The following PCDHGA2 variants were observed in gnomAD, a reference collection of about 807,000 sequenced individuals.
The protein encoded by PCDHGA2 is protocadherin gamma subfamily A, 2, also known as protocadherin gamma-A2.
Under a neutral mutation model 59.2 loss-of-function variants are expected in PCDHGA2, and 40 were observed. The observed-to-expected ratio is 0.68, with a 90% confidence interval of 0.52 to 0.88. The LOEUF (loss-of-function observed/expected upper bound fraction) is 0.88, where lower values mean the gene tolerates loss of function less well. PCDHGA2 is among the 40% of genes least tolerant of loss of function. The probability of loss-of-function intolerance (pLI) is 0.00; values close to 1 mark genes in which losing one functional copy is unlikely to be tolerated. For synonymous variants in PCDHGA2, 560 were observed against 526.0 expected (o/e 1.06, Z -0.89); for missense variants, 1,226 against 1,204.0 (o/e 1.02, Z -0.27).
chr5:141,421,548 G>A, intron 1 of PCDHGA2: 19 of 1,613,984 alleles, frequency 1.2e-5, no homozygotes, highest in Non-Finnish European at 1.6e-5. Flanking sequence ...TTTTAAATAT[G>A]GAACTTCTCG....
chr5:141,456,536 G>A (rs1231730255), intron 1 of PCDHGA2, among the ~76,000 whole-genome samples: 1 of 152,158 alleles, frequency 6.6e-6, no homozygotes, highest in Non-Finnish European at 1.5e-5. Flanking sequence ...AATTAAAGAG[G>A]GATTGTAGCC....
chr5:141,410,540 G>C (rs1301173391), intron 1 of PCDHGA2: 1 of 1,613,702 alleles, frequency 6.2e-7, no homozygotes. Context: ...TGAAGACATG[G>C]TTTGCAGTGT....
intron 2 of PCDHGA2, among the ~76,000 whole-genome samples, chr5:141,497,540 CT>C (rs754207034): frequency 0.18 from 24,498 of 134,808 alleles, 2,020 homozygotes; most frequent in African/African-American, 0.21. Flanking sequence ...TGCAACAAAC[CT>C]TTTTTTTTTT....
intron 1 of PCDHGA2, among the ~76,000 whole-genome samples, chr5:141,434,054 C>T (rs1241950753): frequency 6.6e-6 from 1 of 152,094 alleles, no homozygotes; most frequent in Non-Finnish European, 1.5e-5. Flanking sequence ...ATTCAATGGC[C>T]TGTAATCTGT....
Position 141,476,757 on chromosome 5 carries a change from T to C in PCDHGA2, c.2425-18050T>C. On this transcript the variant is annotated intron_variant, in intron 1 of 3. Coordinates refer to ENST00000394576, the MANE Select transcript of PCDHGA2 (RefSeq NM_018915.4). This position sits in a 1 kb window ranked among gnomAD's most constrained non-coding sequence, Gnocchi z 7.6. ...CGGGAGCCTAGTCTCCAGTTAGTGC[T>C]GACGGCGTTGGACGGAGGGACCCCA... 1.2e-6 allele frequency: 2 copies of C among 1,613,906 alleles called. No individual in the cohort carries two copies. The highest frequency in any genetic ancestry group is 1.7e-6 in the Non-Finnish European group (2 of 1,180,004).
intron 1 of PCDHGA2, among the ~76,000 whole-genome samples, chr5:141,459,755 G>A (rs1383912891): frequency 2.0e-5 from 3 of 152,182 alleles, no homozygotes; most frequent in African/African-American, 7.2e-5. Flanking sequence ...CAATTCTAGT[G>A]GGTGTGTGAT....
At chr5:141,427,266 G>A (rs753905641) in intron 1 of PCDHGA2, 15 of 456,620 alleles carry the variant, frequency 3.3e-5, no homozygotes, top group Non-Finnish European at 5.7e-5. Context: ...CATGACCAGC[G>A]AATGTAAAAT....
At chr5:141,414,363 T>C in intron 1 of PCDHGA2, 3 of 1,613,910 alleles carry the variant, frequency 1.9e-6, no homozygotes, top group Non-Finnish European at 1.7e-6. Context: ...ATCTACCATT[T>C]AAATTAGAAA....
At chr5:141,419,477 C>G (rs760970548) in intron 1 of PCDHGA2, 1 of 1,612,420 alleles carries the variant, frequency 6.2e-7, no homozygotes, top group Non-Finnish European at 8.5e-7. Flanking sequence ...CCAGGGCTCG[C>G]CCGCGCTCAG....
At chr5:141,364,226 C>T in intron 1 of PCDHGA2, 5 of 1,375,088 alleles carry the variant, frequency 3.6e-6, no homozygotes, top group Non-Finnish European at 4.9e-6. Context: ...AAAGCCAACG[C>T]TCCACGCCCA....
intron 1 of PCDHGA2, chr5:141,404,969 G>T (rs2094589920): frequency 6.2e-7 from 1 of 1,613,964 alleles, no homozygotes; most frequent in East Asian, 2.2e-5. Context: ...AGACATCCTG[G>T]CTGACCTGGG....
intron 1 of PCDHGA2, chr5:141,422,556 G>A: frequency 6.2e-7 from 1 of 1,613,908 alleles, no homozygotes; most frequent in Non-Finnish European, 8.5e-7. Flanking sequence ...GGCTGAATGT[G>A]GCAGATGACA....
chr5:141,388,989 G>A (rs1460138722), intron 1 of PCDHGA2: 1 of 1,613,886 alleles, frequency 6.2e-7, no homozygotes, highest in African/African-American at 1.3e-5. Context: ...TTTGCTCAAA[G>A]TCCGTGACAA....
chr5:141,392,774 C>G (rs752798314), intron 1 of PCDHGA2: 1 of 1,520,452 alleles, frequency 6.6e-7, no homozygotes, highest in East Asian at 2.3e-5. Context: ...CCCATTTATG[C>G]ACAGTGAAGA....
In PCDHGA2 at chr5:141,356,852, T is replaced by A. The variant is rs1291274340; in HGVS notation, c.2424+15457T>A. ...AGCAGCAATGTGTCACTGAGCCTCT[T>A]TGTGCTGGACCAGAACGACAATGTC... On this transcript the variant is annotated intron_variant, in intron 1 of 3. Transcript: ENST00000394576. 1.9e-6 allele frequency: 3 copies of A among 1,614,178 alleles called. No individual in the cohort carries two copies. The South Asian group carries it at 3.3e-5, about 18-fold the overall frequency.
Position 141,392,773 on chromosome 5 carries a change from G to A in PCDHGA2, c.2424+51378G>A, listed in dbSNP as rs767754110. Reference sequence around the variant, plus strand: ...AAGAAACTAAATAAGACCCATTTATGCACAGTGAAGATTCTGAGAGGATTC... The same window carrying A: ...AAGAAACTAAATAAGACCCATTTATACACAGTGAAGATTCTGAGAGGATTC... On this transcript the variant is annotated intron_variant, in intron 1 of 3. Transcript: ENST00000394576. 4 of 1,518,312 alleles carry A rather than the reference G, an allele frequency of 2.6e-6. No homozygotes were observed. In the African/African-American group the frequency reaches 5.6e-5, roughly 21 times the overall value. The allele number at this position is 1,518,312 out of a possible 1,614,324, so 94.1% of individuals were successfully genotyped here.
At chr5:141,439,774 T>G (rs1435214431) in intron 1 of PCDHGA2, 2 of 152,364 alleles carry the variant, frequency 1.3e-5, no homozygotes, top group East Asian at 3.9e-4. Context: ...CCTTCTTGGC[T>G]GGAGATTCTA....
At chr5:141,358,025 A>G (rs1760791349) in intron 1 of PCDHGA2, among the ~76,000 whole-genome samples, 1 of 152,146 alleles carries the variant, frequency 6.6e-6, no homozygotes, top group Non-Finnish European at 1.5e-5. Context: ...CCCAGTCTCT[A>G]CTAAAATACA....
chr5:141,384,576 G>C (rs757254740), intron 1 of PCDHGA2: 3 of 1,614,178 alleles, frequency 1.9e-6, no homozygotes, highest in Admixed American at 1.7e-5. Flanking sequence ...ATGACAACCC[G>C]CCCGAGATCC....
Sources: allele counts gnomAD v4.1 joint callset (sites outside exome capture counted in the v4.1 genomes callset), GRCh38; gene constraint gnomAD v4.1.1; non-coding constraint Gnocchi (gnomAD v3.1); transcripts MANE v1.5; gene names NCBI Gene and HGNC (gene_info 2026-07-23, HGNC 2026-07-21).